Variants in TSNAXIP1 observed in about 807,000 individuals in gnomAD.
TSNAXIP1 encodes translin associated factor X interacting protein 1.
Under a neutral mutation model 84.8 loss-of-function variants are expected in TSNAXIP1, and 89 were observed. The observed-to-expected ratio is 1.05, with a 90% CI of 0.88 to 1.25. The LOEUF (loss-of-function observed/expected upper bound fraction) is 1.25, where lower values mean the gene tolerates loss of function less well. Ranked by LOEUF, TSNAXIP1 falls within the 50% of genes most tolerant of loss-of-function variation. TSNAXIP1 has a pLI of 0.00. For synonymous variants in TSNAXIP1, 347 were observed against 335.2 expected, an observed-to-expected ratio of 1.04 and a Z score of -0.39; for missense variants, 874 against 887.6, an observed-to-expected ratio of 0.98 and a Z score of 0.20.
chr16:67,826,637 G>C (rs2057475665), intron 11 of TSNAXIP1, 55 bp from the exon 12 acceptor site: 1 of 1,610,988 alleles, frequency 6.2e-7, no homozygotes, highest in Non-Finnish European at 8.5e-7. Flanking sequence ...GAGGTGACAG[G>C]GATGAGGGCC....
At chr16:67,809,625 C>CAA (rs972655441) in intron 1 of TSNAXIP1, among the ~76,000 whole-genome samples, 1 of 146,264 alleles carries the variant, frequency 6.8e-6, no homozygotes, top group African/African-American at 2.6e-5. Flanking sequence ...GACTCCGTCT[C>CAA]AAAAAAAAAT....
chr16:67,817,728 C>T (rs1193155920), intron 2 of TSNAXIP1, among the ~76,000 whole-genome samples: 1 of 150,176 alleles, frequency 6.7e-6, no homozygotes, highest in East Asian at 2.0e-4. Context: ...TCCGTTTCTA[C>T]TAAAAATACA....
intron 4 of TSNAXIP1, 52 bp from the exon 5 acceptor site, chr16:67,823,574 C>T: frequency 6.8e-7 from 1 of 1,464,740 alleles, no homozygotes; most frequent in Non-Finnish European, 9.6e-7. Context: ...CAGTTCCCCA[C>T]TAAGGTTGGC....
intron 1 of TSNAXIP1, 33 bp downstream of exon 1, chr16:67,807,229 G>C (rs1339159092): frequency 1.3e-6 from 2 of 1,535,856 alleles, no homozygotes; most frequent in African/African-American, 1.4e-5. Flanking sequence ...GCAGAGATGA[G>C]GGTTTGAGTA....
In TSNAXIP1 at chr16:67,820,853, C is replaced by T; in HGVS notation, c.162C>T (p.Ser54=). ...CCTCCCTGCAGACTGGTCAGTTCTCCATGGGTGGGCACCTGTCCCCATGGC... is the reference window on the plus strand; with the variant it reads ...CCTCCCTGCAGACTGGTCAGTTCTCTATGGGTGGGCACCTGTCCCCATGGC... The part of the protein sequence containing the change: ...QKRRTLTGQF[S]MGGHLSPWPT... Residue 54 remains serine (S), a synonymous_variant, in exon 3 of 16, where the codon TCC becomes TCT. Coordinates refer to ENST00000561639, the MANE Select transcript of TSNAXIP1 (RefSeq NM_001288990.3). 4 of 1,559,318 alleles carry T rather than the reference C, an allele frequency of 2.6e-6. No homozygotes were observed. Among genetic ancestry groups the T allele is most frequent in the Non-Finnish European group, 2.6e-6 (3 of 1,154,802 alleles).
At position 67,825,729 on chromosome 16, in the gene TSNAXIP1, A is replaced by T. The variant is rs538682074; in HGVS notation, c.877A>T (p.Thr293Ser). The change falls in exon 8 of 16, where the codon ACC (threonine) becomes TCC (serine). Residue 293 changes from threonine to serine, a missense_variant. Thr to Ser is a moderately conservative substitution (Grantham distance 58). Coordinates refer to ENST00000561639, the MANE Select transcript of TSNAXIP1 (RefSeq NM_001288990.3). ...LALKMTRQDL[T>S]RTQMELNNMK... Reference sequence around the variant, plus strand: ...TCTTAAGATGACCCGGCAAGACCTGACCCGCACGCAGATGGAACTCAACAA... The same window carrying T: ...TCTTAAGATGACCCGGCAAGACCTGTCCCGCACGCAGATGGAACTCAACAA... 1.9e-6 allele frequency: 3 copies of T among 1,613,984 alleles called. No homozygotes were observed. The African/African-American group carries it at 4.0e-5, about 22-fold the overall frequency.
rs2057450844 is a variant in TSNAXIP1, at chr16:67,826,370, G to C, written c.1276-67G>C. The C allele has an allele frequency of 6.8e-6, 11 of 1,607,848 alleles. No individual in the cohort carries two copies. The Admixed American group carries it at 1.0e-4, about 15-fold the overall frequency. On this transcript the variant is annotated intron_variant, in intron 10 of 15. Coordinates refer to ENST00000561639, the MANE Select transcript of TSNAXIP1 (RefSeq NM_001288990.3). ...GACAAGCTTTTGGGGAACCAACTGG[G>C]GATCTTCCCTGATTGGGGGTGGGGC...
At chr16:67,814,551 C>A in intron 2 of TSNAXIP1, 150 bp downstream of exon 2, 1 of 697,316 alleles carries the variant, frequency 1.4e-6, no homozygotes, top group African/African-American at 1.8e-5. Context: ...GAGAGTGTGG[C>A]TCAGAGAGGC....
Position 67,827,459 on chromosome 16 carries a change from G to A in TSNAXIP1, c.1792-14G>A. 1 of 1,614,176 alleles carries A rather than the reference G, an allele frequency of 6.2e-7. No individual in the cohort carries two copies. Among genetic ancestry groups the A allele is most frequent in the Non-Finnish European group, 8.5e-7 (1 of 1,180,020 alleles). ...ACCCAATGTGCCCTCCCCCTGACTT[G>A]TGGCCCCTCCCAGGATGAGGAGGGC... On this transcript the variant is annotated splice_polypyrimidine_tract_variant and intron_variant, in intron 14 of 15. Coordinates refer to ENST00000561639, the MANE Select transcript of TSNAXIP1 (RefSeq NM_001288990.3).
chr16:67,807,232 TTTGAG>T, intron 1 of TSNAXIP1, 36 bp downstream of exon 1: 1 of 1,535,370 alleles, frequency 6.5e-7, no homozygotes, highest in Non-Finnish European at 8.7e-7. Flanking sequence ...GAGATGAGGG[TTTGAG>T]TACTTCTAGA....
rs751675771 is a variant in TSNAXIP1, at chr16:67,821,111, G to A, written c.273G>A (p.Gln91=). 7 of 1,613,358 alleles carry A rather than the reference G, an allele frequency of 4.3e-6. No individual in the cohort carries two copies. The highest frequency in any genetic ancestry group is 5.9e-6 in the Non-Finnish European group (7 of 1,179,738). The change falls in exon 4 of 16, where the codon CAG becomes CAA. Residue 91 remains glutamine, a synonymous_variant. Transcript: ENST00000561639. The part of the protein sequence containing the change: ...DYRKRVGSCQ[Q]HPFRTAKPQY... Reference sequence around the variant, plus strand: ...CTGTCCCCTGCAGGAGCTGCCAGCAGCACCCCTTTCGCACTGCCAAGCCCC... The same window carrying A: ...CTGTCCCCTGCAGGAGCTGCCAGCAACACCCCTTTCGCACTGCCAAGCCCC...
At chr16:67,810,741 CTTT>C (rs759694744) in intron 1 of TSNAXIP1, among the ~76,000 whole-genome samples, 1 of 145,220 alleles carries the variant, frequency 6.9e-6, no homozygotes, top group Non-Finnish European at 1.5e-5. Flanking sequence ...ACATCTTAAA[CTTT>C]TTTTTTTTTT....
chr16:67,823,951 G>A (rs149250342), intron 5 of TSNAXIP1, among the ~76,000 whole-genome samples: 1,525 of 148,638 alleles, frequency 0.01, 17 homozygotes, highest in Middle Eastern at 0.014. Flanking sequence ...CCTAGGAGGT[G>A]GAGGTTGCAG....
chr16:67,812,379 A>T (rs1343551436), intron 1 of TSNAXIP1, among the ~76,000 whole-genome samples: 1 of 152,036 alleles, frequency 6.6e-6, no homozygotes, highest in Non-Finnish European at 1.5e-5. Context: ...TTATTTAAAA[A>T]AAAATAGGCC....
rs1047050005 is a variant in TSNAXIP1 at position 67,807,111 on chromosome 16, C to A, written c.-39C>A. 1.6e-5 allele frequency: 24 copies of A among 1,532,994 alleles called. No individual in the cohort carries two copies. The Admixed American group carries it at 4.3e-4, about 28-fold the overall frequency. The allele number at this position is 1,532,994 out of a possible 1,614,324, so 95.0% of individuals were successfully genotyped here. A position where few individuals can be genotyped will look rare whatever the true frequency, so the allele number is the denominator to read the frequency against. ...ACCGGCTGTACGCTACCACAGCTTC[C>A]CAGGCCGCGGGTGCTGATTGCCCGC... On this transcript the variant is annotated 5_prime_UTR_variant, in exon 1 of 16. Transcript: ENST00000561639.
chr16:67,814,712 C>G (rs1598012310), intron 2 of TSNAXIP1, among the ~76,000 whole-genome samples: 1 of 152,180 alleles, frequency 6.6e-6, no homozygotes, highest in African/African-American at 2.4e-5. Context: ...GCGGCCCTTA[C>G]CTCTCATCCC....
rs773188890 is a variant in TSNAXIP1 at position 67,826,030 on chromosome 16, G to A, written c.1098G>A (p.Glu366=). The A allele has an allele frequency of 1.2e-5, 20 of 1,613,842 alleles. No individual in the cohort carries two copies. In the East Asian group the frequency reaches 4.0e-4, roughly 32 times the overall value. Residue 366 remains glutamate, a synonymous_variant, in exon 9 of 16, where the codon GAG becomes GAA. Transcript: ENST00000561639. ...ACCAATTCTTCTCTGAGCTGCAGGA[G>A]ATCCAGCGCACTTCCACGCCGCGGC... ...ERDQFFSELQ[E]IQRTSTPRPD...
chr16:67,809,625 CAA>C (rs972655441), intron 1 of TSNAXIP1, among the ~76,000 whole-genome samples: 6 of 146,262 alleles, frequency 4.1e-5, no homozygotes, highest in African/African-American at 1.6e-4. Flanking sequence ...GACTCCGTCT[CAA>C]AAAAAAATAA....
At position 67,827,825 on chromosome 16, in the gene TSNAXIP1, A is replaced by C. The variant is rs759387534; in HGVS notation, c.1971A>C (p.Thr657=). The part of the protein sequence containing the change: ...MTIDPSLDKQ[T]VNTYMSQAFQ... ...TCGACCCCAGCCTGGACAAGCAGAC[A>C]GTGAACACCTACATGAGCCAGGCCT... Residue 657 remains threonine, a synonymous_variant, in exon 16 of 16, where the codon ACA becomes ACC. Transcript: ENST00000561639. 2.5e-6 allele frequency: 4 copies of C among 1,614,176 alleles called. No individual in the cohort carries two copies. Among genetic ancestry groups the C allele is most frequent in the Non-Finnish European group, 3.4e-6 (4 of 1,180,030 alleles).
Sources: allele counts gnomAD v4.1 joint callset (sites outside exome capture counted in the v4.1 genomes callset), GRCh38; gene constraint gnomAD v4.1.1; transcripts MANE v1.5; gene names NCBI Gene and HGNC (gene_info 2026-07-23, HGNC 2026-07-21).